The following LRRTM4 variants were observed in gnomAD, a reference collection of about 807,000 sequenced individuals.
LRRTM4 encodes leucine-rich repeat transmembrane neuronal protein 4.
LRRTM4 carries 25 observed loss-of-function variants against 47.6 expected under a neutral mutation model. The ratio of observed to expected loss-of-function variants is 0.53; its 90% CI spans 0.38 to 0.73. The LOEUF is 0.73. Ranked by LOEUF, LRRTM4 falls within the 30% of genes least tolerant of loss-of-function variation. The pLI, the probability that LRRTM4 is intolerant of heterozygous loss-of-function variation, is 0.00. For synonymous variants in LRRTM4, 311 were observed against 269.5 expected, an observed-to-expected ratio of 1.15 and a Z score of -1.51; for missense variants, 638 against 713.4, an observed-to-expected ratio of 0.89 and a Z score of 1.20.
chr2:76,996,118 T>G (rs1347099781), intron 3 of LRRTM4, among the ~76,000 whole-genome samples: 1 of 151,980 alleles, frequency 6.6e-6, no homozygotes, highest in Non-Finnish European at 1.5e-5. Flanking sequence ...TGAGTTGACA[T>G]GCAAAAGCAC....
chr2:77,055,805 G>A, intron 3 of LRRTM4, among the ~76,000 whole-genome samples: 1 of 151,942 alleles, frequency 6.6e-6, no homozygotes, highest in East Asian at 1.9e-4. Flanking sequence ...GTCCAACAAT[G>A]ATAGATTGGA....
chr2:77,222,207 G>C (rs1674656815), intron 3 of LRRTM4, among the ~76,000 whole-genome samples: 1 of 152,160 alleles, frequency 6.6e-6, no homozygotes, highest in Non-Finnish European at 1.5e-5. Flanking sequence ...ATTCAAAGCA[G>C]TATGTAGAGG....
At chr2:77,122,539 TACACAC>T (rs918070662) in intron 3 of LRRTM4, among the ~76,000 whole-genome samples, 1 of 150,504 alleles carries the variant, frequency 6.6e-6, no homozygotes, top group African/African-American at 2.4e-5. Context: ...ACAATAGATA[TACACAC>T]ACACATACAC....
intron 3 of LRRTM4, among the ~76,000 whole-genome samples, chr2:77,168,260 C>T (rs1162098526): frequency 6.6e-6 from 1 of 151,918 alleles, no homozygotes; most frequent in Non-Finnish European, 1.5e-5. Flanking sequence ...CTTCCATTCT[C>T]TATGTATCTT....
At chr2:76,810,823 T>C (rs905274939) in intron 3 of LRRTM4, among the ~76,000 whole-genome samples, 1 of 152,194 alleles carries the variant, frequency 6.6e-6, no homozygotes, top group African/African-American at 2.4e-5. Context: ...GTGAATGTGC[T>C]TTCTCAAGGA....
chr2:77,375,825 AC>A (rs1447549492), intron 3 of LRRTM4, among the ~76,000 whole-genome samples: 1 of 151,648 alleles, frequency 6.6e-6, no homozygotes, highest in African/African-American at 2.4e-5. Flanking sequence ...TCCTTTATCT[AC>A]TTAACCATCT....
At chr2:77,202,231 C>A (rs1032814897) in intron 3 of LRRTM4, among the ~76,000 whole-genome samples, 1 of 151,990 alleles carries the variant, frequency 6.6e-6, no homozygotes, top group African/African-American at 2.4e-5. Flanking sequence ...GTTCATTTTT[C>A]CCTAGGTATG....
At chr2:77,416,043 G>C (rs994603674) in intron 3 of LRRTM4, among the ~76,000 whole-genome samples, 1 of 151,992 alleles carries the variant, frequency 6.6e-6, no homozygotes, top group African/African-American at 2.4e-5. Context: ...ATAGAATCAA[G>C]ATGTAGTGTG....
chr2:76,838,018 A>G (rs376899981), intron 3 of LRRTM4, among the ~76,000 whole-genome samples: 15 of 151,874 alleles, frequency 9.9e-5, no homozygotes, highest in African/African-American at 3.1e-4. Context: ...GCACACCAGC[A>G]TGGCACATGT....
At chr2:77,067,504 G>A (rs192200381) in intron 3 of LRRTM4, among the ~76,000 whole-genome samples, 1 of 151,942 alleles carries the variant, frequency 6.6e-6, no homozygotes, top group East Asian at 1.9e-4. Flanking sequence ...TTCAAATGTA[G>A]ATACAACTAA....
intron 3 of LRRTM4, among the ~76,000 whole-genome samples, chr2:77,138,710 A>G (rs926276560): frequency 6.6e-6 from 1 of 152,152 alleles, no homozygotes; most frequent in African/African-American, 2.4e-5. Flanking sequence ...GATCAACAAA[A>G]TTGATAGACC....
chr2:77,090,173 G>C (rs1032264018), intron 3 of LRRTM4, among the ~76,000 whole-genome samples: 5 of 152,078 alleles, frequency 3.3e-5, no homozygotes, highest in East Asian at 1.9e-4. Context: ...GTTTCGTTCC[G>C]TGACTAGCCC....
chr2:77,337,905 T>G (rs560108105), intron 3 of LRRTM4, among the ~76,000 whole-genome samples: 1 of 152,114 alleles, frequency 6.6e-6, no homozygotes, highest in Admixed American at 6.6e-5. Context: ...CATAGACCAA[T>G]GCAACAAAAT....
At chr2:77,397,225 T>C (rs1038087970) in intron 3 of LRRTM4, among the ~76,000 whole-genome samples, 2 of 151,902 alleles carry the variant, frequency 1.3e-5, no homozygotes, top group Non-Finnish European at 2.9e-5. Flanking sequence ...GACTCCCATG[T>C]TAGAATAACT....
At chr2:77,154,304 C>T (rs1672502153) in intron 3 of LRRTM4, among the ~76,000 whole-genome samples, 1 of 152,130 alleles carries the variant, frequency 6.6e-6, no homozygotes, top group South Asian at 2.1e-4. Context: ...AATTTCTGTG[C>T]ATTTGAGTAC....
chr2:77,092,658 T>C (rs1670686101), intron 3 of LRRTM4, among the ~76,000 whole-genome samples: 4 of 143,926 alleles, frequency 2.8e-5, no homozygotes, highest in East Asian at 2.1e-4. Context: ...TCTAGGTAGA[T>C]ACTTTCACTG....
intron 3 of LRRTM4, among the ~76,000 whole-genome samples, chr2:76,994,880 G>A (rs1317162744): frequency 6.6e-6 from 1 of 151,856 alleles, no homozygotes; most frequent in Non-Finnish European, 1.5e-5. Flanking sequence ...AAAAGCTAGG[G>A]AACTCTATTT....
chr2:77,285,614 T>C (rs1030630542), intron 3 of LRRTM4, among the ~76,000 whole-genome samples: 2 of 151,502 alleles, frequency 1.3e-5, no homozygotes, highest in African/African-American at 2.4e-5. Flanking sequence ...TGCTGGCACA[T>C]ATCTGTAATC....
intron 3 of LRRTM4, among the ~76,000 whole-genome samples, chr2:76,939,213 A>T (rs1027230398): frequency 6.6e-6 from 1 of 152,196 alleles, no homozygotes; most frequent in Non-Finnish European, 1.5e-5. Flanking sequence ...AGTAAACCTT[A>T]GATTTTAAGT....
Sources: gnomAD v4.1 joint callset for allele counts (sites outside exome capture counted in the v4.1 genomes callset) on GRCh38, gnomAD v4.1.1 for gene constraint, MANE v1.5 for transcripts, NCBI Gene and HGNC (gene_info 2026-07-23, HGNC 2026-07-21) for gene names.